The following WWTR1 variants were observed in gnomAD, a reference collection of about 807,000 sequenced individuals.
WWTR1 encodes WW domain containing transcription regulator 1.
In WWTR1, 13 loss-of-function variants were observed where a neutral mutation model predicts 40.1. That is an observed-to-expected ratio of 0.32 (90% confidence interval 0.21 to 0.52). The LOEUF is 0.52. WWTR1 is among the 20% of genes least tolerant of loss of function. The pLI is 0.97. For missense variants in WWTR1, 436 were observed against 523.1 expected, an observed-to-expected ratio of 0.83 and a Z score of 1.63; for synonymous variants, 230 against 210.1, an observed-to-expected ratio of 1.09 and a Z score of -0.82.
intron 2 of WWTR1, among the ~76,000 whole-genome samples, chr3:149,594,736 C>CCA (rs112400903): frequency 0.085 from 12,661 of 149,278 alleles, 1,190 homozygotes; most frequent in East Asian, 0.33. Context: ...CACACACACA[C>CCA]CACACACACA....
At chr3:149,600,502 G>C (rs778094904) in intron 2 of WWTR1, among the ~76,000 whole-genome samples, 3 of 152,098 alleles carry the variant, frequency 2.0e-5, no homozygotes, top group Non-Finnish European at 4.4e-5. Flanking sequence ...TCAGTCCTCT[G>C]TCCTTGACAC....
intron 2 of WWTR1, among the ~76,000 whole-genome samples, chr3:149,625,106 T>C (rs1740483613): frequency 6.7e-6 from 1 of 149,000 alleles, no homozygotes; most frequent in Non-Finnish European, 1.5e-5. Context: ...TACCCTTTTT[T>C]TTTTTTTTTT....
chr3:149,623,994 T>C (rs763638221), intron 2 of WWTR1, among the ~76,000 whole-genome samples: 22 of 152,184 alleles, frequency 1.4e-4, no homozygotes, highest in Non-Finnish European at 2.9e-4. Flanking sequence ...TCACTCTCTG[T>C]GGAGAAAGTA....
At chr3:149,580,707 G>A (rs1024741829) in intron 2 of WWTR1, among the ~76,000 whole-genome samples, 2 of 152,166 alleles carry the variant, frequency 1.3e-5, no homozygotes, top group African/African-American at 2.4e-5. Context: ...TCTGCCTTCC[G>A]GTTCAGGCAA....
intron 4 of WWTR1, among the ~76,000 whole-genome samples, chr3:149,540,014 T>C (rs1736014422): frequency 6.7e-6 from 1 of 150,086 alleles, no homozygotes. Flanking sequence ...CTGTACTCCC[T>C]AACAAAAATA....
At chr3:149,618,413 C>T (rs541524799) in intron 2 of WWTR1, among the ~76,000 whole-genome samples, 18 of 152,112 alleles carry the variant, frequency 1.2e-4, no homozygotes, top group Non-Finnish European at 2.4e-4. Context: ...TTGGTGCCAG[C>T]GATACAACAT....
chr3:149,658,578 C>T (rs1172930467), upstream of WWTR1: 27 of 152,434 alleles, frequency 1.8e-4, no homozygotes, highest in Admixed American at 1.8e-3. Context: ...CCACGAGAGG[C>T]TGCTTAGCTC....
At chr3:149,721,453 C>T (rs1715756845) in intron 4 of WWTR1, among the ~76,000 whole-genome samples, 1 of 152,160 alleles carries the variant, frequency 6.6e-6, no homozygotes, top group African/African-American at 2.4e-5. Context: ...GAATAAACCT[C>T]ACTTAGCCAT....
At chr3:149,611,799 C>T (rs1355108167) in intron 2 of WWTR1, among the ~76,000 whole-genome samples, 2 of 152,158 alleles carry the variant, frequency 1.3e-5, no homozygotes, top group Non-Finnish European at 2.9e-5. Context: ...AATGTCATTC[C>T]CCTTTTCTCT....
intron 3 of WWTR1, among the ~76,000 whole-genome samples, chr3:149,570,302 C>T (rs1737556862): frequency 6.6e-6 from 1 of 152,328 alleles, no homozygotes; most frequent in East Asian, 1.9e-4. Flanking sequence ...GGTGCCGGGT[C>T]TCACGCCTGT....
At chr3:149,615,051 G>A (rs1372948961) in intron 2 of WWTR1, among the ~76,000 whole-genome samples, 1 of 152,090 alleles carries the variant, frequency 6.6e-6, no homozygotes, top group African/African-American at 2.4e-5. Context: ...TAGTATTGAG[G>A]TATGTTTTAA....
At chr3:149,635,281 A>G (rs1262086692) in intron 2 of WWTR1, among the ~76,000 whole-genome samples, 1 of 152,200 alleles carries the variant, frequency 6.6e-6, no homozygotes, top group East Asian at 1.9e-4. Flanking sequence ...TCTCCCTTCA[A>G]AGTGATGAAA....
At chr3:149,590,155 T>C (rs1738626156) in intron 2 of WWTR1, among the ~76,000 whole-genome samples, 1 of 152,160 alleles carries the variant, frequency 6.6e-6, no homozygotes, top group Non-Finnish European at 1.5e-5. Flanking sequence ...GAATTGCTAC[T>C]TATATTCCTA....
At chr3:149,568,921 C>T (rs1737489027) in intron 3 of WWTR1, among the ~76,000 whole-genome samples, 2 of 152,322 alleles carry the variant, frequency 1.3e-5, no homozygotes, top group Admixed American at 1.3e-4. Context: ...CGCCCGCCAC[C>T]ACACCCAGCT....
At chr3:149,661,964 C>G (rs1713602003), upstream of WWTR1, among the ~76,000 whole-genome samples, 3 of 151,958 alleles carry the variant, frequency 2.0e-5, no homozygotes, top group South Asian at 6.2e-4. Flanking sequence ...AACTCCTGAC[C>G]TTGTGATCCA....
chr3:149,639,893 C>G (rs1712051958), intron 2 of WWTR1, among the ~76,000 whole-genome samples: 2 of 150,172 alleles, frequency 1.3e-5, no homozygotes, highest in Admixed American at 6.7e-5. Context: ...ACTTGGGAGG[C>G]TGAGGCAAGA....
intron 2 of WWTR1, among the ~76,000 whole-genome samples, chr3:149,648,836 C>T (rs762132712): frequency 2.2e-4 from 34 of 152,278 alleles, no homozygotes; most frequent in Non-Finnish European, 4.4e-4. Flanking sequence ...GACCACAGGT[C>T]GAAACCAGCT....
intron 1 of WWTR1, among the ~76,000 whole-genome samples, chr3:149,676,796 T>A (rs190495743): frequency 2.0e-5 from 3 of 152,148 alleles, no homozygotes; most frequent in African/African-American, 7.2e-5. Context: ...ATTGGCAGTG[T>A]GCATGCTTTT....
chr3:149,691,782 C>T (rs746646537), intron 1 of WWTR1, among the ~76,000 whole-genome samples: 23 of 152,020 alleles, frequency 1.5e-4, no homozygotes, highest in Non-Finnish European at 2.9e-4. Context: ...TTTGGGAGGC[C>T]GAGGTGGGTG....
Sources: gnomAD v4.1 joint callset for allele counts (sites outside exome capture counted in the v4.1 genomes callset) on GRCh38, gnomAD v4.1.1 for gene constraint, MANE v1.5 for transcripts, NCBI Gene and HGNC (gene_info 2026-07-23, HGNC 2026-07-21) for gene names.